NRAP: variants seen among roughly 807,000 people sequenced by gnomAD.
NRAP encodes nebulin-related-anchoring protein.
In NRAP, 189 loss-of-function variants were observed where a neutral mutation model predicts 225.9. The observed-to-expected ratio is 0.84, with a 90% confidence interval of 0.74 to 0.94. The LOEUF (loss-of-function observed/expected upper bound fraction) is 0.94. Ranked by LOEUF, NRAP falls within the 40% of genes least tolerant of loss-of-function variation. The pLI, the probability that NRAP is intolerant of heterozygous loss-of-function variation, is 0.00. For synonymous variants in NRAP, 769 were observed against 790.7 expected, an observed-to-expected ratio of 0.97 and a Z score of 0.46; for missense variants, 2,176 against 2,168.7, an observed-to-expected ratio of 1.00 and a Z score of -0.07.
In NRAP at chr10:113,606,755, A is replaced by C. The variant is rs143005643; in HGVS notation, c.3703-473T>G. Among the ~76,000 whole-genome samples, 652 of 152,266 alleles carry C rather than the reference A, an allele frequency of 4.3e-3. 1 individual carries two copies. Among genetic ancestry groups the C allele is most frequent in the Admixed American group, 0.011 (167 of 15,294 alleles). ...GGATGGCCTCATCTTGTACAAAAAC[A>C]TCCATTCTTATGATTAGAAATGGGT... On this transcript the variant is annotated intron_variant, in intron 32 of 41. Transcript: ENST00000359988.
At chr10:113,590,533 G>A in intron 40 of NRAP, 45 bp downstream of exon 40, 6 of 1,573,736 alleles carry the variant, frequency 3.8e-6, no homozygotes, top group Non-Finnish European at 5.2e-6. Context: ...CTTAGGAAGA[G>A]GCACCAGGGG....
Position 113,590,586 on chromosome 10 carries a change from G to A in NRAP, c.4948C>T (p.Gln1650Ter). ...LRHAQKAHQL[Q>*]SDVKYKSDLN... ...GGGTGGAGGTGGCTCACATCACTCT[G>A]CAGCTGGTGGGCCTTCTGAGCATGC... The change falls in exon 40 of 42, where the codon CAG becomes TAG. Residue 1650 changes from glutamine to a stop codon, truncating the protein, a stop_gained. Transcript: ENST00000359988. LOFTEE classifies it high-confidence loss of function. The A allele has an allele frequency of 6.2e-7, 1 of 1,610,612 alleles. No individual in the cohort carries two copies. Among genetic ancestry groups the A allele is most frequent in the Non-Finnish European group, 8.5e-7 (1 of 1,179,568 alleles).
chr10:113,608,365 A>G, intron 32 of NRAP, 49 bp downstream of exon 32: 1 of 1,136,530 alleles, frequency 8.8e-7, no homozygotes, highest in Admixed American at 1.8e-5. Flanking sequence ...ATTTTTAACA[A>G]TCGAGCAGTT....
chr10:113,622,329 C>G (rs149656949), intron 23 of NRAP, 149 bp from the exon 24 acceptor site: 1 of 602,996 alleles, frequency 1.7e-6, no homozygotes, highest in East Asian at 2.8e-5. Context: ...TTTGAGCATC[C>G]GATACATTTT....
At chr10:113,597,863 G>A in intron 36 of NRAP, 106 bp downstream of exon 36, 1 of 815,438 alleles carries the variant, frequency 1.2e-6, no homozygotes, top group East Asian at 2.5e-5. Context: ...TGGGAGTCCA[G>A]TGGCCATGAG....
chr10:113,650,614 A>G, intron 7 of NRAP, 69 bp from the exon 8 acceptor site: 1 of 1,088,654 alleles, frequency 9.2e-7, no homozygotes, highest in African/African-American at 1.5e-5. Flanking sequence ...ATGCTCTGCT[A>G]AGGGTTCCAT....
At chr10:113,589,408 T>TTGA in intron 41 of NRAP, 3 of 578,714 alleles carry the variant, frequency 5.2e-6, no homozygotes, top group Non-Finnish European at 6.1e-6. Context: ...TGGCCCGGGA[T>TTGA]TGATGTAGCC....
At chr10:113,616,953 T>A (rs1165517212) in intron 26 of NRAP, among the ~76,000 whole-genome samples, 1 of 152,074 alleles carries the variant, frequency 6.6e-6, no homozygotes, top group African/African-American at 2.4e-5. Context: ...CAAATCTTGG[T>A]TTTGCATCAT....
intron 38 of NRAP, among the ~76,000 whole-genome samples, chr10:113,593,828 G>C (rs115680724): frequency 0.016 from 2,449 of 152,314 alleles, 85 homozygotes; most frequent in African/African-American, 0.056. Flanking sequence ...GCTGGTTATT[G>C]ACACCAAACT....
chr10:113,659,416 T>C (rs1452962920), intron 3 of NRAP, among the ~76,000 whole-genome samples: 2 of 152,162 alleles, frequency 1.3e-5, no homozygotes, highest in Non-Finnish European at 2.9e-5. Context: ...TTGAGAACAA[T>C]GTACTTTAGG....
intron 19 of NRAP, 149 bp downstream of exon 19, chr10:113,629,439 C>T (rs112445250): frequency 3.0e-5 from 19 of 631,554 alleles, no homozygotes; most frequent in African/African-American, 1.5e-4. Flanking sequence ...ACCTCCCCAT[C>T]TGCCCTTTCT....
Position 113,590,049 on chromosome 10 carries a change from G to T in NRAP, c.4957-252C>A, listed in dbSNP as rs566757418. ...ATTCAAGTGACAAAAGTTACAGTTGGGAGTGGGTGGGGTAGTGACACCTGC... is the reference window on the plus strand; with the variant it reads ...ATTCAAGTGACAAAAGTTACAGTTGTGAGTGGGTGGGGTAGTGACACCTGC... On this transcript the variant is annotated intron_variant, in intron 40 of 41. Transcript: ENST00000359988. 4.1e-4 allele frequency among the ~76,000 whole-genome samples: 62 copies of T among 152,268 alleles called. No individual in the cohort carries two copies. In the South Asian group the frequency reaches 0.013, roughly 31 times the overall value.
At chr10:113,623,428 G>C (rs1469609767) in intron 23 of NRAP, 101 bp downstream of exon 23, 5 of 659,600 alleles carry the variant, frequency 7.6e-6, no homozygotes, top group Non-Finnish European at 2.6e-6. Flanking sequence ...AGAATCCTGA[G>C]ATTCAGAGAG....
At chr10:113,595,075 C>A (rs756100258) in intron 38 of NRAP, among the ~76,000 whole-genome samples, 1 of 152,198 alleles carries the variant, frequency 6.6e-6, no homozygotes, top group South Asian at 2.1e-4. Flanking sequence ...GTTTAGGAAA[C>A]AGTAGCTTGG....
chr10:113,663,474 A>T (rs1850822566), intron 1 of NRAP, 28 bp from the exon 2 acceptor site: 1 of 1,370,928 alleles, frequency 7.3e-7, no homozygotes, highest in Non-Finnish European at 1.0e-6. Flanking sequence ...AAGATTTAGC[A>T]ATTACCCTTT....
At chr10:113,608,632 C>CTCCAGAA in intron 31 of NRAP, 120 bp from the exon 32 acceptor site, 2 of 668,938 alleles carry the variant, frequency 3.0e-6, no homozygotes, top group Non-Finnish European at 2.6e-6. Context: ...AAGTCTATCA[C>CTCCAGAA]TCCAGAATCC....
chr10:113,622,152 G>T lies in NRAP; in HGVS notation c.2486C>A (p.Ser829Tyr). ...EVKYKEDYER[S>Y]RGKLIGAKDV... The stretch of plus-strand genomic sequence containing the variant: ...TTTTGCCCCAATGAGCTTCCCTCTG[G>T]ATCTCTCATAATCCTCCTTGTACTT... The change falls in exon 24 of 42, where the codon TCC (serine) becomes TAC (tyrosine). Residue 829 changes from serine (S) to tyrosine (Y), a missense_variant. Physicochemically the swap from Ser to Tyr is moderately radical, Grantham distance 144. This residue lies in a region of NRAP where 1,708 missense variants were observed against 1,695.5 expected (regional missense o/e 1.01). Transcript: ENST00000359988. 1 of 1,613,492 alleles carries T rather than the reference G, an allele frequency of 6.2e-7. No homozygotes were observed. Among genetic ancestry groups the T allele is most frequent in the Non-Finnish European group, 8.5e-7 (1 of 1,179,542 alleles).
rs1592801761 is a variant in NRAP at position 113,628,163 on chromosome 10, G to A, written c.2145+754C>T. Among the ~76,000 whole-genome samples the A allele has an allele frequency of 2.0e-5, 3 of 152,242 alleles. No individual in the cohort carries two copies. In the South Asian group the frequency reaches 6.2e-4, roughly 32 times the overall value. On this transcript the variant is annotated intron_variant, in intron 20 of 41. Transcript: ENST00000359988. ...GCTGCAGGGACCTGGGAGAGTATCT[G>A]ATCCAACCTCTTCATTTTTATTTTA...
rs1359583180 is a variant in NRAP, at chr10:113,626,868, G to T, written c.2146-723C>A. ...ACAAATTAATTGGCAAATTTTCAAT[G>T]TGCTAATTCTGTCCCCCCTCCGGGA... On this transcript the variant is annotated intron_variant, in intron 20 of 41. Transcript: ENST00000359988. Among the ~76,000 whole-genome samples, 4 of 152,196 alleles carry T rather than the reference G, an allele frequency of 2.6e-5. No homozygotes were observed. The East Asian group carries it at 7.7e-4, about 29-fold the overall frequency.
Sources: gnomAD v4.1 joint callset for allele counts (sites outside exome capture counted in the v4.1 genomes callset) on GRCh38, gnomAD v4.1.1 for gene constraint, gnomAD v4.1.1 regional missense constraint, MANE v1.5 for transcripts, NCBI Gene and HGNC (gene_info 2026-07-23, HGNC 2026-07-21) for gene names.